The following SLC6A16 variants were observed in gnomAD, a reference collection of about 807,000 sequenced individuals.
SLC6A16 encodes the protein solute carrier family 6 member 16.
In SLC6A16, 54 loss-of-function variants were observed where a neutral mutation model predicts 65.4. The ratio of observed to expected loss-of-function variants is 0.83; its 90% CI spans 0.66 to 1.04. The LOEUF (loss-of-function observed/expected upper bound fraction) is 1.04. Ranked by LOEUF, SLC6A16 falls within the 50% of genes least tolerant of loss-of-function variation. The probability of loss-of-function intolerance (pLI) is 0.00; values close to 1 mark genes in which losing one functional copy is unlikely to be tolerated. For missense variants in SLC6A16, 816 were observed against 914.0 expected (o/e 0.89, Z 1.38); for synonymous variants, 330 against 346.5 (o/e 0.95, Z 0.53).
In SLC6A16 at chr19:49,292,292, G is replaced by A. The variant is rs190232360; in HGVS notation, c.1778+931C>T. Among the ~76,000 whole-genome samples, 1,565 of 152,150 alleles carry A rather than the reference G, an allele frequency of 0.01. 28 individuals are homozygous for A. The highest frequency in any genetic ancestry group is 0.036 in the African/African-American group (1,490 of 41,504). ...TGAGGGAGGAGAATTGCTTGAACCC[G>A]GGAGGCGGAGGTTGCAGTGAGCTGA... On this transcript the variant is annotated intron_variant, in intron 10 of 11. Coordinates refer to ENST00000335875, the MANE Select transcript of SLC6A16 (RefSeq NM_014037.3). The surrounding 1 kb of genome is among the most constrained non-coding windows in gnomAD (Gnocchi z 4.3).
upstream of SLC6A16, among the ~76,000 whole-genome samples, chr19:49,328,557 T>C (rs1010979052): frequency 1.3e-5 from 2 of 152,164 alleles, no homozygotes; most frequent in African/African-American, 4.8e-5. Context: ...GTAATAGCAA[T>C]GGAGATGGTG....
intron 1 of SLC6A16, among the ~76,000 whole-genome samples, chr19:49,317,782 G>T (rs76094011): frequency 6.6e-6 from 1 of 151,832 alleles, no homozygotes; most frequent in Non-Finnish European, 1.5e-5. Flanking sequence ...CTCCAGCCAG[G>T]GCAACACAGC....
At chr19:49,338,302 T>C in the SLC6A16 span, 1 of 808,730 alleles carries the variant, frequency 1.2e-6, no homozygotes, top group Non-Finnish European at 1.8e-6. The surrounding 1 kb of genome is among the most constrained non-coding windows in gnomAD (Gnocchi z 5.0). Flanking sequence ...AGGCCCCTAG[T>C]CCCAAGACCC....
upstream of SLC6A16, chr19:49,325,255 C>T: frequency 1.0e-5 from 10 of 985,460 alleles, no homozygotes; most frequent in Non-Finnish European, 1.2e-5. Context: ...CTCACTCTTT[C>T]CCTACAGCTG....
At chr19:49,340,200 G>C in the SLC6A16 span, 7 of 1,319,400 alleles carry the variant, frequency 5.3e-6, no homozygotes, top group Non-Finnish European at 7.2e-6. Flanking sequence ...CATCACCCCC[G>C]TCTCGCCAGC....
rs369789818 is a variant in SLC6A16 at position 49,309,286 on chromosome 19, G to C, written c.987+15C>G. 6.3e-7 allele frequency: 1 copy of C among 1,597,982 alleles called. No homozygotes were observed. Among genetic ancestry groups the C allele is most frequent in the Non-Finnish European group, 8.6e-7 (1 of 1,165,446 alleles). ...CCTACAAGGCCTGACGGGGGAGTGA[G>C]GAGATAGATTTCACCTTGGCAACCA... On this transcript the variant is annotated intron_variant, in intron 6 of 11. Transcript: ENST00000335875.
the SLC6A16 span, chr19:49,339,797 T>C: frequency 7.4e-7 from 1 of 1,357,992 alleles, no homozygotes; most frequent in African/African-American, 1.5e-5. The surrounding 1 kb of genome is among the most constrained non-coding windows in gnomAD (Gnocchi z 4.5). Flanking sequence ...AGCGGCAGTC[T>C]GTGGGGTGGC....
At chr19:49,299,770 C>T (rs1406033567) in intron 7 of SLC6A16, among the ~76,000 whole-genome samples, 1 of 151,888 alleles carries the variant, frequency 6.6e-6, no homozygotes, top group African/African-American at 2.4e-5. Context: ...CGCCTGTAAT[C>T]CCAGCACTTT....
At chr19:49,325,497 G>C (rs1395292330), upstream of SLC6A16, among the ~76,000 whole-genome samples, 3 of 152,216 alleles carry the variant, frequency 2.0e-5, no homozygotes, top group African/African-American at 7.2e-5. Context: ...TGGGAGAATC[G>C]TCTCATTCAT....
the SLC6A16 span, among the ~76,000 whole-genome samples, chr19:49,333,651 G>C: frequency 1.3e-5 from 2 of 152,168 alleles, no homozygotes; most frequent in Non-Finnish European, 2.9e-5. Context: ...AGGTAGGAGA[G>C]CAGGAGCCCA....
rs182455981 is a variant in SLC6A16 at position 49,293,020 on chromosome 19, T to A, written c.1778+203A>T. The stretch of plus-strand genomic sequence containing the variant: ...TTCTTTTATTCAATGCCCCTATCCC[T>A]GATGACTAAAATAGTGCCTGGCACA... On this transcript the variant is annotated intron_variant, in intron 10 of 11. Coordinates refer to ENST00000335875, the MANE Select transcript of SLC6A16 (RefSeq NM_014037.3). 6.6e-4 allele frequency: 347 copies of A among 522,778 alleles called. 4 individuals carry two copies. The highest frequency in any genetic ancestry group is 6.0e-3 in the African/African-American group (319 of 53,024). 32.4% of individuals were successfully genotyped at this position (522,778 alleles called of 1,614,324 possible). A position where few individuals can be genotyped will look rare whatever the true frequency, so the allele number is the denominator to read the frequency against.
At chr19:49,336,939 C>A in the SLC6A16 span, 2 of 1,614,182 alleles carry the variant, frequency 1.2e-6, no homozygotes, top group South Asian at 1.1e-5. Flanking sequence ...CAGATCTGGT[C>A]CAAAGTCCTG....
Position 49,292,068 on chromosome 19 carries a change from T to G in SLC6A16, c.1778+1155A>C, listed in dbSNP as rs1970088242. ...TGACCAAGCCATTCTTAGCTCTCAC[T>G]TGAAATATTACATAGCTTTCACCAG... On this transcript the variant is annotated intron_variant, in intron 10 of 11. Coordinates refer to ENST00000335875, the MANE Select transcript of SLC6A16 (RefSeq NM_014037.3). The surrounding 1 kb of genome is among the most constrained non-coding windows in gnomAD (Gnocchi z 4.3). Among the ~76,000 whole-genome samples the G allele has an allele frequency of 6.6e-6, 1 of 152,192 alleles. No homozygotes were observed. The highest frequency in any genetic ancestry group is 1.5e-5 in the Non-Finnish European group (1 of 68,040).
chr19:49,300,576 T>G (rs1262170276), intron 7 of SLC6A16, among the ~76,000 whole-genome samples: 2 of 150,816 alleles, frequency 1.3e-5, no homozygotes, highest in African/African-American at 2.4e-5. Context: ...GAATGATAAA[T>G]AACTACTAAG....
chr19:49,337,372 G>A, the SLC6A16 span: 1 of 800,142 alleles, frequency 1.2e-6, no homozygotes, highest in Non-Finnish European at 2.0e-6. Context: ...GCTCACGCCT[G>A]TAATCCCATA....
chr19:49,336,149 A>G, the SLC6A16 span: 50 of 292,914 alleles, frequency 1.7e-4, no homozygotes, highest in Non-Finnish European at 3.0e-4. Context: ...GGAAAATAAT[A>G]ATGAAGTATG....
intron 1 of SLC6A16, among the ~76,000 whole-genome samples, chr19:49,312,066 A>T (rs1015229866): frequency 6.6e-6 from 1 of 151,638 alleles, no homozygotes. Context: ...TAGTAGAGCC[A>T]GGTTGGTCTT....
At chr19:49,324,695 C>CT (rs1669292662) in intron 1 of SLC6A16, among the ~76,000 whole-genome samples, 1 of 152,206 alleles carries the variant, frequency 6.6e-6, no homozygotes, top group Admixed American at 6.5e-5. Flanking sequence ...AATAACTGCC[C>CT]TAACAGACCA....
chr19:49,329,799 A>AT (rs1226399172), upstream of SLC6A16, among the ~76,000 whole-genome samples: 1 of 151,514 alleles, frequency 6.6e-6, no homozygotes, highest in Admixed American at 6.6e-5. Flanking sequence ...CGCCTGGCTA[A>AT]TTTTTTGTAT....
Sources: gnomAD v4.1 joint callset for allele counts (sites outside exome capture counted in the v4.1 genomes callset) on GRCh38, gnomAD v4.1.1 for gene constraint, Gnocchi (gnomAD v3.1) non-coding constraint, MANE v1.5 for transcripts, NCBI Gene and HGNC (gene_info 2026-07-23, HGNC 2026-07-21) for gene names.